Variants in TET2 observed in about 807,000 individuals in gnomAD.
TET2 encodes methylcytosine dioxygenase TET2.
TET2 carries 299 observed loss-of-function variants against 142.9 expected under a neutral mutation model. The observed-to-expected ratio is 2.09, with a 90% CI of 1.90 to 2.30. The LOEUF (loss-of-function observed/expected upper bound fraction) is 2.30. Ranked by LOEUF, TET2 falls within the 30% of genes most tolerant of loss-of-function variation. TET2 has a pLI of 0.00. For missense variants in TET2, 2,418 were observed against 2,378.0 expected (o/e 1.02, Z -0.35); for synonymous variants, 819 against 849.0 (o/e 0.96, Z 0.61).
chr4:105,186,286 A>G (rs1725438077), intron 1 of TET2, among the ~76,000 whole-genome samples: 1 of 152,102 alleles, frequency 6.6e-6, no homozygotes, highest in Non-Finnish European at 1.5e-5. Flanking sequence ...GAATGAGAAC[A>G]TTTAAATGTG....
rs774438272 is a variant in TET2, at chr4:105,236,823, G to T, written c.2881G>T (p.Glu961Ter). ...AAGGTGGCATCTCTTACAGAAGCAA[G>T]AACAGCAGCAAACACAGCAACCCCA... ...ALRWHLLQKQ[E>*]QQQTQQPQTE... Residue 961 changes from glutamate to a stop codon, truncating the protein, a stop_gained, in exon 3 of 11, where the codon GAA (glutamate) becomes TAA (stop). Coordinates refer to ENST00000380013, the MANE Select transcript of TET2 (RefSeq NM_001127208.3). LOFTEE classifies it high-confidence loss of function. 3.1e-6 allele frequency: 5 copies of T among 1,614,108 alleles called. No individual in the cohort carries two copies. Among genetic ancestry groups the T allele is most frequent in the Non-Finnish European group, 4.2e-6 (5 of 1,180,014 alleles).
chr4:105,248,375 G>C (rs1729690764), intron 6 of TET2, among the ~76,000 whole-genome samples: 1 of 152,104 alleles, frequency 6.6e-6, no homozygotes, highest in African/African-American at 2.4e-5. Context: ...TTGAATAACT[G>C]ACCTAATTTT....
At chr4:105,167,280 G>T (rs1724201109) in intron 1 of TET2, among the ~76,000 whole-genome samples, 1 of 151,910 alleles carries the variant, frequency 6.6e-6, no homozygotes, top group Non-Finnish European at 1.5e-5. Context: ...ATTAAATTTT[G>T]TGGGAAAATT....
At chr4:105,250,332 T>G in intron 6 of TET2, among the ~76,000 whole-genome samples, 1 of 151,668 alleles carries the variant, frequency 6.6e-6, no homozygotes, top group East Asian at 1.9e-4. Flanking sequence ...CCATGTTTCT[T>G]GGGTTTCCAT....
intron 1 of TET2, among the ~76,000 whole-genome samples, chr4:105,168,240 A>G (rs1353714230): frequency 6.6e-6 from 1 of 152,170 alleles, no homozygotes; most frequent in Admixed American, 6.6e-5. Context: ...CACTCAGAAT[A>G]TAAGCCAAAG....
At chr4:105,207,016 G>C (rs775898284) in intron 2 of TET2, among the ~76,000 whole-genome samples, 1 of 152,068 alleles carries the variant, frequency 6.6e-6, no homozygotes, top group African/African-American at 2.4e-5. Flanking sequence ...TTTCAAATTC[G>C]AGTTGAACTC....
intron 1 of TET2, among the ~76,000 whole-genome samples, chr4:105,179,640 G>A (rs1222809165): frequency 6.6e-6 from 1 of 152,152 alleles, no homozygotes; most frequent in Non-Finnish European, 1.5e-5. Context: ...GTAATTTGTA[G>A]TCAGCTGTTA....
At chr4:105,214,685 A>G (rs1727383064) in intron 2 of TET2, among the ~76,000 whole-genome samples, 1 of 151,820 alleles carries the variant, frequency 6.6e-6, no homozygotes, top group Non-Finnish European at 1.5e-5. Context: ...GCTGATGATC[A>G]TGAAGCCTCC....
rs1237638072 is a variant in TET2 at position 105,244,584 on chromosome 4, A to ATCTTTTTTTTTTTTTTTTTTT, written c.3803+807_3803+808insCTTTTTTTTTTTTTTTTTTTT. On this transcript the variant is annotated intron_variant, in intron 6 of 10. Transcript: ENST00000380013. ...TGAATGTTCACGGTGCTACACAGAA[A>ATCTTTTTTTTTTTTTTTTTTT]TGTTTTTTTTTTTTTTTTTTTTTTT... Among the ~76,000 whole-genome samples, 9 of 116,764 alleles carry ATCTTTTTTTTTTTTTTTTTTT rather than the reference A, an allele frequency of 7.7e-5. 1 individual carries two copies. The highest frequency in any genetic ancestry group is 1.1e-4 in the African/African-American group (3 of 28,472). The allele number at this position is 116,764 out of a possible 152,430, so 76.6% of individuals were successfully genotyped here.
At chr4:105,225,844 A>G (rs1180701978) in intron 2 of TET2, among the ~76,000 whole-genome samples, 1 of 152,180 alleles carries the variant, frequency 6.6e-6, no homozygotes, top group Non-Finnish European at 1.5e-5. Context: ...TCATCCTCAA[A>G]TATTCTAGAG....
chr4:105,159,860 T>C (rs1723756135), intron 1 of TET2, among the ~76,000 whole-genome samples: 1 of 151,720 alleles, frequency 6.6e-6, no homozygotes, highest in Non-Finnish European at 1.5e-5. Flanking sequence ...AAAAATTAGC[T>C]GGGCGTGGTG....
At chr4:105,193,320 C>T (rs777770185) in intron 2 of TET2, among the ~76,000 whole-genome samples, 5 of 151,980 alleles carry the variant, frequency 3.3e-5, no homozygotes, top group African/African-American at 7.3e-5. Flanking sequence ...AGGAAAAAGG[C>T]GACCTTGTAT....
chr4:105,234,898 C>G lies in TET2; in HGVS notation c.956C>G (p.Pro319Arg). ...CTAAATACCTGTTCCTTTCAGAAACCAGAACAACTACAACAACAAAAATCA... is the reference window on the plus strand; with the variant it reads ...CTAAATACCTGTTCCTTTCAGAAACGAGAACAACTACAACAACAAAAATCA... ...AMLNTCSFQK[P>R]EQLQQQKSVF... The change falls in exon 3 of 11, where the codon CCA becomes CGA. Residue 319 changes from proline (P) to arginine (R), a missense_variant. Coordinates refer to ENST00000380013, the MANE Select transcript of TET2 (RefSeq NM_001127208.3). The G allele has an allele frequency of 2.5e-6, 4 of 1,614,038 alleles. No homozygotes were observed. Among genetic ancestry groups the G allele is most frequent in the South Asian group, 1.1e-5 (1 of 91,074 alleles).
In TET2 at chr4:105,277,987, G is replaced by T; in HGVS notation, c.*1468G>T. On this transcript the variant is annotated 3_prime_UTR_variant, in exon 11 of 11. Coordinates refer to ENST00000380013, the MANE Select transcript of TET2 (RefSeq NM_001127208.3). ...TGCCTGCATAAGATGAATAAACAGGGTTAGTTCCATGTGAATCTGTCAGTT... is the reference window on the plus strand; with the variant it reads ...TGCCTGCATAAGATGAATAAACAGGTTTAGTTCCATGTGAATCTGTCAGTT... The T allele has an allele frequency of 4.7e-6, 1 of 214,456 alleles. No homozygotes were observed. The highest frequency in any genetic ancestry group is 9.4e-6 in the Non-Finnish European group (1 of 106,420). The allele number at this position is 214,456 out of a possible 1,614,324, so 13.3% of individuals were successfully genotyped here.
At chr4:105,263,908 TGAG>T (rs764320417) in intron 8 of TET2, among the ~76,000 whole-genome samples, 3 of 152,078 alleles carry the variant, frequency 2.0e-5, no homozygotes, top group Non-Finnish European at 4.4e-5. Context: ...GCTGGAATGA[TGAG>T]AAGACACCCA....
chr4:105,271,012 G>A (rs1440261951), intron 9 of TET2, among the ~76,000 whole-genome samples: 1 of 152,184 alleles, frequency 6.6e-6, no homozygotes, highest in Admixed American at 6.5e-5. Flanking sequence ...TTCTAGATCA[G>A]AGATTGGAAA....
chr4:105,270,535 C>A (rs941395669), intron 9 of TET2, among the ~76,000 whole-genome samples: 2 of 152,094 alleles, frequency 1.3e-5, no homozygotes, highest in Non-Finnish European at 2.9e-5. Context: ...AAATGAGAAA[C>A]ACATCATCAT....
intron 1 of TET2, among the ~76,000 whole-genome samples, chr4:105,155,118 G>T (rs1441301662): frequency 6.6e-6 from 1 of 152,116 alleles, no homozygotes; most frequent in Non-Finnish European, 1.5e-5. Context: ...GATTTGGGGG[G>T]TTATTAATGT....
At position 105,278,132 on chromosome 4, in the gene TET2, G is replaced by A. The variant is rs1731298788; in HGVS notation, c.*1613G>A. ...GTAAACAAAACTTTTTTAATGCAAT[G>A]CTTTAGTATTTTAGTACTGTAAAAA... On this transcript the variant is annotated 3_prime_UTR_variant, in exon 11 of 11. Coordinates refer to ENST00000380013, the MANE Select transcript of TET2 (RefSeq NM_001127208.3). 5.8e-6 allele frequency: 1 copy of A among 171,758 alleles called. No homozygotes were observed. Among genetic ancestry groups the A allele is most frequent in the South Asian group, 2.1e-4 (1 of 4,832 alleles). The allele number at this position is 171,758 out of a possible 1,614,324, so 10.6% of individuals were successfully genotyped here. A position where few individuals can be genotyped will look rare whatever the true frequency, so the allele number is the denominator to read the frequency against.
Sources: allele counts gnomAD v4.1 joint callset (sites outside exome capture counted in the v4.1 genomes callset), GRCh38; gene constraint gnomAD v4.1.1; transcripts MANE v1.5; gene names NCBI Gene and HGNC (gene_info 2026-07-23, HGNC 2026-07-21).